Variants in SPMIP2 observed in about 807,000 individuals in gnomAD.
SPMIP2 encodes the protein sperm microtubule inner protein 2, also known as protein SPMIP2.
chr4:158,980,791 A>T, the SPMIP2 span, among the ~76,000 whole-genome samples: 7 of 152,232 alleles, frequency 4.6e-5, no homozygotes, highest in Non-Finnish European at 8.8e-5. Flanking sequence ...AAAAACCAGA[A>T]TGCCTCTTCT....
At chr4:159,007,321 C>A in the SPMIP2 span, 17 of 757,034 alleles carry the variant, frequency 2.2e-5, no homozygotes, top group East Asian at 4.5e-4. Flanking sequence ...GACATCTCAT[C>A]CCAGGCCCTC....
the SPMIP2 span, among the ~76,000 whole-genome samples, chr4:158,990,060 G>A: frequency 4.6e-5 from 7 of 152,250 alleles, no homozygotes; most frequent in South Asian, 2.1e-4. Context: ...ATCAAAAAGC[G>A]GGTGAAGGAT....
chr4:158,929,129 CT>C, the SPMIP2 span, among the ~76,000 whole-genome samples: 1 of 152,236 alleles, frequency 6.6e-6, no homozygotes, highest in African/African-American at 2.4e-5. Flanking sequence ...ATCCTCCCAC[CT>C]CAACCTCCTG....
the SPMIP2 span, among the ~76,000 whole-genome samples, chr4:159,070,273 C>T: frequency 1.3e-5 from 2 of 152,142 alleles, no homozygotes; most frequent in Non-Finnish European, 1.5e-5. Flanking sequence ...TTAGTGAATA[C>T]AGTGAAGTCA....
chr4:158,903,660 T>C, the SPMIP2 span, among the ~76,000 whole-genome samples: 2 of 152,220 alleles, frequency 1.3e-5, no homozygotes, highest in Non-Finnish European at 1.5e-5. Context: ...AGAGAACTTC[T>C]GTGCACTCTG....
the SPMIP2 span, among the ~76,000 whole-genome samples, chr4:158,968,513 T>C: frequency 6.6e-6 from 1 of 152,200 alleles, no homozygotes; most frequent in African/African-American, 2.4e-5. Context: ...GTGTACATTA[T>C]AAAGTGGCTC....
At chr4:159,006,876 G>A in the SPMIP2 span, among the ~76,000 whole-genome samples, 3 of 152,162 alleles carry the variant, frequency 2.0e-5, no homozygotes, top group South Asian at 2.1e-4. Context: ...CACCACAAAC[G>A]AGGGCTGAGG....
chr4:159,066,589 TTATATATATATATATATA>T, the SPMIP2 span, among the ~76,000 whole-genome samples: 3 of 76,632 alleles, frequency 3.9e-5, no homozygotes, highest in Non-Finnish European at 8.3e-5. Context: ...TGTGTGTATT[TTATATATATATATATATA>T]TATATATATA....
the SPMIP2 span, among the ~76,000 whole-genome samples, chr4:158,974,711 A>T: frequency 6.6e-6 from 1 of 152,192 alleles, no homozygotes; most frequent in Admixed American, 6.5e-5. Context: ...TAAAACATTG[A>T]TGGGCATTTG....
the SPMIP2 span, chr4:159,007,599 A>T: frequency 9.1e-7 from 1 of 1,103,912 alleles, no homozygotes; most frequent in Non-Finnish European, 1.3e-6. Context: ...AGCTTTCCAG[A>T]CAACCATTTC....
the SPMIP2 span, among the ~76,000 whole-genome samples, chr4:158,960,967 T>C: frequency 0.67 from 100,116 of 150,264 alleles, 33,459 homozygotes; most frequent in South Asian, 0.8. Flanking sequence ...TCCTCTTCTC[T>C]AGGAACTGTC....
At chr4:159,061,829 AAGAT>A in the SPMIP2 span, among the ~76,000 whole-genome samples, 2 of 151,490 alleles carry the variant, frequency 1.3e-5, no homozygotes, top group South Asian at 4.2e-4. Context: ...AAAAAAAAAA[AAGAT>A]AGAGCTGAAA....
chr4:158,959,096 T>C, the SPMIP2 span, among the ~76,000 whole-genome samples: 2 of 152,212 alleles, frequency 1.3e-5, no homozygotes, highest in African/African-American at 4.8e-5. Context: ...TCCCTAGAAA[T>C]GAATATAGCC....
chr4:158,976,659 A>AATTT, the SPMIP2 span, among the ~76,000 whole-genome samples: 2 of 94,732 alleles, frequency 2.1e-5, no homozygotes, highest in Non-Finnish European at 3.7e-5. Context: ...ATGGATAAGC[A>AATTT]TTTTTTTTTT....
the SPMIP2 span, among the ~76,000 whole-genome samples, chr4:158,908,691 C>T: frequency 3.9e-5 from 6 of 152,080 alleles, no homozygotes; most frequent in African/African-American, 1.4e-4. Flanking sequence ...ATGCCTACTT[C>T]ATTATATTTT....
chr4:158,976,578 TG>T, the SPMIP2 span, among the ~76,000 whole-genome samples: 1 of 152,032 alleles, frequency 6.6e-6, no homozygotes, highest in African/African-American at 2.4e-5. Context: ...GTTTATGTGA[TG>T]GATTACGTTT....
At chr4:158,984,789 G>A in the SPMIP2 span, among the ~76,000 whole-genome samples, 3 of 151,202 alleles carry the variant, frequency 2.0e-5, no homozygotes, top group African/African-American at 7.3e-5. Flanking sequence ...AATCAGAGCA[G>A]AACTGAAGGA....
chr4:159,017,491 A>G, the SPMIP2 span, among the ~76,000 whole-genome samples: 1 of 151,998 alleles, frequency 6.6e-6, no homozygotes, highest in Non-Finnish European at 1.5e-5. Flanking sequence ...TGCCCAAGCT[A>G]GAGTGCAGTG....
chr4:158,979,253 C>G, the SPMIP2 span, among the ~76,000 whole-genome samples: 8 of 152,100 alleles, frequency 5.3e-5, no homozygotes, highest in South Asian at 1.7e-3. Context: ...GTGCTGGCAG[C>G]GAGAATTTCA....
Sources: gnomAD v4.1 joint callset for allele counts (sites outside exome capture counted in the v4.1 genomes callset) on GRCh38, gnomAD v4.1.1 for gene constraint, MANE v1.5 for transcripts, NCBI Gene and HGNC (gene_info 2026-07-23, HGNC 2026-07-21) for gene names.